The following PTPRG variants were observed in gnomAD, a reference collection of about 807,000 sequenced individuals.
PTPRG encodes the protein protein tyrosine phosphatase receptor type G.
A neutral mutation model predicts 165.3 loss-of-function variants in PTPRG; 102 were observed. That is an observed-to-expected ratio of 0.62 (90% CI 0.53 to 0.73). PTPRG has a LOEUF of 0.73. PTPRG is among the 30% of genes least tolerant of loss of function. The pLI is 0.00. For synonymous variants in PTPRG, 675 were observed against 669.5 expected (o/e 1.01, Z -0.13); for missense variants, 1,866 against 1,861.4 (o/e 1.00, Z -0.05).
intron 20 of PTPRG, among the ~76,000 whole-genome samples, chr3:62,270,623 GAATTA>G (rs1318292520): frequency 2.6e-4 from 39 of 152,194 alleles, no homozygotes; most frequent in African/African-American, 9.1e-4. Context: ...GTTAACAGAA[GAATTA>G]AATTAAAGCC....
At chr3:61,765,554 G>A (rs901475423) in intron 2 of PTPRG, among the ~76,000 whole-genome samples, 2 of 152,110 alleles carry the variant, frequency 1.3e-5, no homozygotes, top group Admixed American at 1.3e-4. Context: ...TAGTTACCCA[G>A]TTGTGAACCT....
chr3:61,664,862 T>C (rs184968059), intron 1 of PTPRG, among the ~76,000 whole-genome samples: 2 of 151,552 alleles, frequency 1.3e-5, no homozygotes. Context: ...ATAAAAAAAA[T>C]AAAAAAGCAT....
At chr3:61,675,640 G>T (rs536134423) in intron 1 of PTPRG, among the ~76,000 whole-genome samples, 1 of 152,062 alleles carries the variant, frequency 6.6e-6, no homozygotes, top group Non-Finnish European at 1.5e-5. Flanking sequence ...CCATTTAGTA[G>T]AATATCATAA....
intron 1 of PTPRG, among the ~76,000 whole-genome samples, chr3:61,592,645 CTTTCT>C (rs1331426376): frequency 7.1e-6 from 1 of 140,878 alleles, no homozygotes. Context: ...TTCTTTCTTT[CTTTCT>C]TTTTTTTTTT....
chr3:61,724,148 G>A (rs2032160453), intron 1 of PTPRG, among the ~76,000 whole-genome samples: 1 of 150,184 alleles, frequency 6.7e-6, no homozygotes, highest in Non-Finnish European at 1.5e-5. Flanking sequence ...CACTGGAGGG[G>A]GAGGTTGCAG....
At chr3:61,652,899 C>A (rs183592646) in intron 1 of PTPRG, among the ~76,000 whole-genome samples, 1 of 152,294 alleles carries the variant, frequency 6.6e-6, no homozygotes, top group African/African-American at 2.4e-5. Flanking sequence ...CTATTTGTCA[C>A]TGGGTGAAGG....
In PTPRG at chr3:61,748,909, C is replaced by A; in HGVS notation, c.117C>A (p.His39Gln). ...CAGAAGGCTACGTTGGGGCCCTGCACGAGAATAGACACGGCAGCGCAGTGC... is the reference window on the plus strand; with the variant it reads ...CAGAAGGCTACGTTGGGGCCCTGCAAGAGAATAGACACGGCAGCGCAGTGC... ...ALTEGYVGAL[H>Q]ENRHGSAVQI... Residue 39 changes from histidine to glutamine, a missense_variant, in exon 2 of 30, where the codon CAC becomes CAA. His to Gln is a conservative substitution (Grantham distance 24, BLOSUM62 0). This residue lies in a region of PTPRG where 408 missense variants were observed against 376.2 expected (regional missense o/e 1.08). Coordinates refer to ENST00000474889, the MANE Select transcript of PTPRG (RefSeq NM_002841.4). 2 of 1,613,484 alleles carry A rather than the reference C, an allele frequency of 1.2e-6. No homozygotes were observed. Among genetic ancestry groups the A allele is most frequent in the Non-Finnish European group, 1.7e-6 (2 of 1,179,856 alleles).
chr3:62,203,176 A>G lies in PTPRG; in HGVS notation c.1381A>G (p.Thr461Ala). 6.3e-7 allele frequency: 1 copy of G among 1,581,138 alleles called. No individual in the cohort carries two copies. The highest frequency in any genetic ancestry group is 8.6e-7 in the Non-Finnish European group (1 of 1,160,110). The stretch of plus-strand genomic sequence containing the variant: ...CTTGCCGGGTGACCCTTTCCAGCCC[A>G]CAGCGTCTCCTGCCTCTTCAGCCGA... ...GTRIVKTGVPTASPASSADMA... is the reference protein window; with the variant it reads ...GTRIVKTGVPAASPASSADMA... Residue 461 changes from threonine (T) to alanine (A), a missense_variant, in exon 12 of 30, where the codon ACA becomes GCA. Thr to Ala is a moderately conservative substitution (Grantham distance 58, BLOSUM62 0). Around this residue, in one of 3 missense-constraint regions of PTPRG, gnomAD observed 1,452 missense variants for 1,463.0 expected, o/e 0.99. Transcript: ENST00000474889. This position sits in a 1 kb window ranked among gnomAD's most constrained non-coding sequence, Gnocchi z 6.4.
intron 1 of PTPRG, among the ~76,000 whole-genome samples, chr3:61,627,301 A>C (rs1701639960): frequency 6.6e-6 from 1 of 152,162 alleles, no homozygotes; most frequent in African/African-American, 2.4e-5. Context: ...ATTCGGTTGG[A>C]GTAAGGTGTG....
At chr3:61,915,765 C>T (rs926578660) in intron 2 of PTPRG, among the ~76,000 whole-genome samples, 8 of 152,108 alleles carry the variant, frequency 5.3e-5, no homozygotes, top group Non-Finnish European at 8.8e-5. Flanking sequence ...AGCAAGAAGA[C>T]GCAATCACAG....
chr3:61,742,842 C>A, intron 1 of PTPRG: 1 of 1,585,212 alleles, frequency 6.3e-7, no homozygotes, highest in Non-Finnish European at 8.7e-7. Flanking sequence ...GTTTTTTCAG[C>A]GCCTCGATGT....
intron 1 of PTPRG, among the ~76,000 whole-genome samples, chr3:61,600,076 CTT>C (rs1700809205): frequency 6.6e-6 from 1 of 151,262 alleles, no homozygotes; most frequent in Non-Finnish European, 1.5e-5. Context: ...AGGAGAATCA[CTT>C]GAGCCCAGGA....
chr3:61,619,863 C>G (rs1045338397), intron 1 of PTPRG, among the ~76,000 whole-genome samples: 1 of 152,022 alleles, frequency 6.6e-6, no homozygotes, highest in African/African-American at 2.4e-5. Context: ...GGAAGTCTAG[C>G]TTTTTTTGGG....
At chr3:61,712,791 T>C (rs1022705291) in intron 1 of PTPRG, among the ~76,000 whole-genome samples, 2 of 152,226 alleles carry the variant, frequency 1.3e-5, no homozygotes, top group African/African-American at 4.8e-5. Flanking sequence ...TATCTTCTTT[T>C]GCTTATGCAT....
intron 2 of PTPRG, among the ~76,000 whole-genome samples, chr3:61,941,451 C>T (rs1026159431): frequency 1.3e-5 from 2 of 152,040 alleles, no homozygotes; most frequent in Non-Finnish European, 2.9e-5. Flanking sequence ...GATGAAACCC[C>T]GTCTCTACTA....
In PTPRG at chr3:62,182,659, C is replaced by G. The variant is rs201207756; in HGVS notation, c.1034-8810C>G. ...AATAAATAGTTAACAGTAACTAATT[C>G]TTTGTTTGTTTGTTTGTTTGAGATG... is the stretch of plus-strand genomic sequence containing the variant. On this transcript the variant is annotated intron_variant, in intron 8 of 29. Coordinates refer to ENST00000474889, the MANE Select transcript of PTPRG (RefSeq NM_002841.4). Among the ~76,000 whole-genome samples the G allele has an allele frequency of 6.6e-5, 10 of 152,146 alleles. No homozygotes were observed. The East Asian group carries it at 1.6e-3, about 24-fold the overall frequency.
chr3:62,209,987 G>T (rs1336359111), intron 12 of PTPRG, among the ~76,000 whole-genome samples: 1 of 152,146 alleles, frequency 6.6e-6, no homozygotes, highest in African/African-American at 2.4e-5. Context: ...GTCAGTGGTG[G>T]CCGTCTGATA....
chr3:62,125,410 C>T (rs1038208743), intron 5 of PTPRG, among the ~76,000 whole-genome samples: 4 of 152,182 alleles, frequency 2.6e-5, no homozygotes, highest in African/African-American at 7.2e-5. Flanking sequence ...CCCTGAGTAG[C>T]TTTTTGCTTC....
At chr3:62,087,779 T>C (rs1681907147) in intron 5 of PTPRG, among the ~76,000 whole-genome samples, 2 of 152,342 alleles carry the variant, frequency 1.3e-5, no homozygotes, top group Middle Eastern at 3.4e-3. Context: ...GTCCCAGTTA[T>C]TGTCATCTGC....
Sources: gnomAD v4.1 joint callset for allele counts (sites outside exome capture counted in the v4.1 genomes callset) on GRCh38, gnomAD v4.1.1 for gene constraint, gnomAD v4.1.1 regional missense constraint, Gnocchi (gnomAD v3.1) non-coding constraint, MANE v1.5 for transcripts, NCBI Gene and HGNC (gene_info 2026-07-23, HGNC 2026-07-21) for gene names.